The following CLEC19A variants were observed in gnomAD, a reference collection of about 807,000 sequenced individuals.
CLEC19A encodes the protein C-type lectin domain family 19 member A.
In CLEC19A, 21 loss-of-function variants were observed where a neutral mutation model predicts 26.1. The ratio of observed to expected loss-of-function variants is 0.80; its 90% CI spans 0.57 to 1.16. The LOEUF is 1.16. Among genes scored for constraint, CLEC19A ranks in the 50% most tolerant of loss-of-function variants. The probability of loss-of-function intolerance (pLI) is 0.00; values close to 1 mark genes in which losing one functional copy is unlikely to be tolerated. For synonymous variants in CLEC19A, 89 were observed against 88.6 expected (o/e 1.00, Z -0.03); for missense variants, 224 against 227.6 (o/e 0.98, Z 0.10).
In CLEC19A at chr16:19,310,503, A is replaced by C. The variant is rs1472069453; in HGVS notation, c.*1420A>C. On this transcript the variant is annotated 3_prime_UTR_variant, in exon 5 of 5. Transcript: ENST00000636231. ...AAAAACAAAAAAATGTGATCACAGCAGCATTATTGATAAAAACCACAAAAA... is the reference window on the plus strand; with the variant it reads ...AAAAACAAAAAAATGTGATCACAGCCGCATTATTGATAAAAACCACAAAAA... 6.6e-6 allele frequency: 1 copy of C among 152,246 alleles called. No homozygotes were observed. The highest frequency in any genetic ancestry group is 1.5e-5 in the Non-Finnish European group (1 of 68,070). 9.4% of individuals were successfully genotyped at this position (152,246 alleles called of 1,614,324 possible).
At chr16:19,301,745 TTTTTTTTTTTTTTTTTTTTG>T (rs1897833311) in intron 2 of CLEC19A, among the ~76,000 whole-genome samples, 1 of 118,766 alleles carries the variant, frequency 8.4e-6, no homozygotes, top group Non-Finnish European at 1.7e-5. Flanking sequence ...GGTTTTTTTT[TTTTTTTTTTTTTTTTTTTTG>T]TATTTTTAGC....
intron 2 of CLEC19A, among the ~76,000 whole-genome samples, chr16:19,301,409 G>T (rs1897816366): frequency 1.3e-5 from 2 of 152,282 alleles, no homozygotes; most frequent in Non-Finnish European, 2.9e-5. Flanking sequence ...AGAAAACTGT[G>T]GGGGACAGTA....
At position 19,299,997 on chromosome 16, in the gene CLEC19A, G is replaced by A. The variant is rs1292306908; in HGVS notation, c.254+1159G>A. On this transcript the variant is annotated intron_variant, in intron 2 of 4. Transcript: ENST00000636231. ...CCAACACTTTGGGAGGCCGAGGCAG[G>A]CAGATCACCTGAGGTCAGGAGTTCG... Among the ~76,000 whole-genome samples the A allele has an allele frequency of 2.0e-5, 3 of 152,308 alleles. No individual in the cohort carries two copies. In the South Asian group the frequency reaches 6.2e-4, roughly 32 times the overall value.
intron 3 of CLEC19A, 195 bp downstream of exon 3, chr16:19,304,350 G>A: frequency 2.1e-6 from 1 of 479,702 alleles, no homozygotes; most frequent in Non-Finnish European, 3.8e-6. Flanking sequence ...TAAATGATGG[G>A]AACAGATAGC....
At position 19,310,789 on chromosome 16, in the gene CLEC19A, A is replaced by C. The variant is rs1898054571; in HGVS notation, c.*1706A>C. 6.6e-6 allele frequency: 1 copy of C among 152,146 alleles called. No homozygotes were observed. The allele number at this position is 152,146 out of a possible 1,614,324, so 9.4% of individuals were successfully genotyped here. ...GTTGCCAGGGGATGTGTGGAGGGGG[A>C]ATAGAAAGTGAGTGCTAATAGGTAT... On this transcript the variant is annotated 3_prime_UTR_variant, in exon 5 of 5. Transcript: ENST00000636231.
At chr16:19,302,986 A>G (rs1377619543) in intron 2 of CLEC19A, among the ~76,000 whole-genome samples, 3 of 152,218 alleles carry the variant, frequency 2.0e-5, no homozygotes, top group South Asian at 2.1e-4. Context: ...ATGCTTGGTC[A>G]TATGGCCAAT....
intron 1 of CLEC19A, among the ~76,000 whole-genome samples, chr16:19,290,413 C>T (rs1023191762): frequency 2.0e-5 from 3 of 151,944 alleles, no homozygotes; most frequent in Admixed American, 2.0e-4. Context: ...CATGCTAAAC[C>T]ATTTCTAATT....
In CLEC19A at chr16:19,309,304, A is replaced by T. The variant is rs179230; in HGVS notation, c.*221A>T. On this transcript the variant is annotated 3_prime_UTR_variant, in exon 5 of 5. Coordinates refer to ENST00000636231, the MANE Select transcript of CLEC19A (RefSeq NM_001256720.2). ...AATTTTTTAAAGTGTTTTTTTTTTT[A>T]AATTGACCCAAGTAACAAAAATCCA... 73,836 of 325,698 alleles carry T rather than the reference A, an allele frequency of 0.23. 6,832 individuals carry two copies. Among genetic ancestry groups the T allele is most frequent in the East Asian group, 0.5 (7,335 of 14,616 alleles). 20.2% of individuals were successfully genotyped at this position (325,698 alleles called of 1,614,324 possible).
chr16:19,307,596 G>C lies in CLEC19A; in HGVS notation c.400G>C (p.Asp134His), dbSNP rs759575378. 3 of 1,548,348 alleles carry C rather than the reference G, an allele frequency of 1.9e-6. No homozygotes were observed. In the South Asian group the frequency reaches 3.6e-5, roughly 18 times the overall value. Residue 134 changes from aspartate to histidine, a missense_variant, in exon 4 of 5, where the codon GAT (aspartate) becomes CAT (histidine). Asp to His is a moderately conservative substitution (Grantham distance 81, BLOSUM62 -1). Coordinates refer to ENST00000636231, the MANE Select transcript of CLEC19A (RefSeq NM_001256720.2). The stretch of plus-strand genomic sequence containing the variant: ...CTCATCCTATGACTACAGCTACTGG[G>C]ATGGCAGCCAGCCAGATGATGGCGT... Reference protein sequence around the residue: ...DGSSYDYSYWDGSQPDDGVHA... With the variant: ...DGSSYDYSYWHGSQPDDGVHA...
At chr16:19,294,269 A>G (rs2143009221) in intron 1 of CLEC19A, among the ~76,000 whole-genome samples, 1 of 152,344 alleles carries the variant, frequency 6.6e-6, no homozygotes, top group African/African-American at 2.4e-5. Flanking sequence ...TCACATGAAC[A>G]TCTGCAAACA....
intron 1 of CLEC19A, among the ~76,000 whole-genome samples, chr16:19,291,084 C>A (rs1444422755): frequency 1.3e-5 from 2 of 152,216 alleles, no homozygotes; most frequent in Non-Finnish European, 2.9e-5. Context: ...CTCAAACGAT[C>A]CTCCTGCCTT....
Position 19,300,548 on chromosome 16 carries a change from A to T in CLEC19A, c.254+1710A>T, listed in dbSNP as rs1597085639. The stretch of plus-strand genomic sequence containing the variant: ...AGGTGACAGAGCGAGATCCTATCTC[A>T]AAAAAAAAAAAAAAATAGAGAAGGA... On this transcript the variant is annotated intron_variant, in intron 2 of 4. Transcript: ENST00000636231. 2.6e-4 allele frequency among the ~76,000 whole-genome samples: 8 copies of T among 30,492 alleles called. No homozygotes were observed. The South Asian group carries it at 9.6e-3, about 36-fold the overall frequency. The allele number at this position is 30,492 out of a possible 152,430, so 20.0% of individuals were successfully genotyped here.
At chr16:19,299,237 C>G (rs73534538) in intron 2 of CLEC19A, among the ~76,000 whole-genome samples, 2 of 152,162 alleles carry the variant, frequency 1.3e-5, no homozygotes. Flanking sequence ...AACTGATACA[C>G]TACATATATA....
intron 1 of CLEC19A, among the ~76,000 whole-genome samples, chr16:19,296,273 C>G (rs1897703995): frequency 1.3e-5 from 2 of 152,216 alleles, no homozygotes; most frequent in South Asian, 4.1e-4. Flanking sequence ...CTGGAAACTG[C>G]CTGCCTAGCA....
intron 3 of CLEC19A, among the ~76,000 whole-genome samples, chr16:19,305,740 G>C (rs1897938534): frequency 6.6e-6 from 1 of 152,172 alleles, no homozygotes; most frequent in Non-Finnish European, 1.5e-5. Flanking sequence ...GTGGTGCTTA[G>C]CATATTATAG....
chr16:19,294,363 G>A (rs1179168712), intron 1 of CLEC19A, among the ~76,000 whole-genome samples: 1 of 152,204 alleles, frequency 6.6e-6, no homozygotes, highest in Non-Finnish European at 1.5e-5. Flanking sequence ...AGAGAGCAAA[G>A]CAAGCATATT....
intron 3 of CLEC19A, among the ~76,000 whole-genome samples, chr16:19,306,078 C>T (rs908689371): frequency 8.0e-5 from 12 of 150,658 alleles, no homozygotes; most frequent in Non-Finnish European, 1.2e-4. Flanking sequence ...GTCCTGACCT[C>T]GTGATCCGCC....
chr16:19,297,949 T>C (rs1897738317), intron 1 of CLEC19A, among the ~76,000 whole-genome samples: 2 of 152,162 alleles, frequency 1.3e-5, no homozygotes, highest in Admixed American at 1.3e-4. Flanking sequence ...CTTTCATTCT[T>C]AAAAGTATGT....
intron 1 of CLEC19A, among the ~76,000 whole-genome samples, chr16:19,289,327 G>C (rs1236587652): frequency 6.6e-6 from 1 of 152,204 alleles, no homozygotes; most frequent in African/African-American, 2.4e-5. Context: ...TCCAGACTGA[G>C]AGCAACCTAA....
Sources: gnomAD v4.1 joint callset for allele counts (sites outside exome capture counted in the v4.1 genomes callset) on GRCh38, gnomAD v4.1.1 for gene constraint, MANE v1.5 for transcripts, NCBI Gene and HGNC (gene_info 2026-07-23, HGNC 2026-07-21) for gene names.